The following SPPL3 variants were observed in gnomAD, a reference collection of about 807,000 sequenced individuals.
SPPL3 encodes the protein signal peptide peptidase like 3, also known as signal peptide peptidase-like 3.
Under a neutral mutation model 42.4 loss-of-function variants are expected in SPPL3, and 5 were observed. The observed-to-expected ratio is 0.12, with a 90% CI of 0.06 to 0.25. The LOEUF (loss-of-function observed/expected upper bound fraction) is 0.25. SPPL3 is among the 10% of genes least tolerant of loss of function. The probability of loss-of-function intolerance (pLI) is 1.00; values close to 1 mark genes in which losing one functional copy is unlikely to be tolerated. For missense variants in SPPL3, 235 were observed against 489.0 expected, an observed-to-expected ratio of 0.48 and a Z score of 4.90; for synonymous variants, 195 against 181.8, an observed-to-expected ratio of 1.07 and a Z score of -0.58.
intron 1 of SPPL3, among the ~76,000 whole-genome samples, chr12:120,826,672 C>A (rs2137013512): frequency 6.6e-6 from 1 of 152,164 alleles, no homozygotes; most frequent in East Asian, 1.9e-4. Flanking sequence ...TATTTAATAC[C>A]CTCGTTTTTC....
intron 1 of SPPL3, among the ~76,000 whole-genome samples, chr12:120,898,028 C>T (rs998515026): frequency 5.9e-5 from 9 of 151,800 alleles, no homozygotes; most frequent in African/African-American, 9.7e-5. Context: ...ATGAGTAGCA[C>T]GGGCCAGGCG....
intron 3 of SPPL3, among the ~76,000 whole-genome samples, chr12:120,789,653 C>T (rs1008337052): frequency 2.0e-5 from 3 of 150,648 alleles, no homozygotes; most frequent in African/African-American, 4.9e-5. Context: ...TGTGAAACCC[C>T]ATCTCTACTA....
chr12:120,856,941 T>C (rs683091), intron 1 of SPPL3, among the ~76,000 whole-genome samples: 37,113 of 152,066 alleles, frequency 0.24, 5,619 homozygotes, highest in Non-Finnish European at 0.35. Context: ...TTCCAACTTA[T>C]GGCCTGTACA....
intron 1 of SPPL3, among the ~76,000 whole-genome samples, chr12:120,860,833 C>T (rs531114625): frequency 6.6e-6 from 1 of 152,232 alleles, no homozygotes; most frequent in South Asian, 2.1e-4. Flanking sequence ...GTGACAACTA[C>T]AGTCCTCCCT....
intron 1 of SPPL3, among the ~76,000 whole-genome samples, chr12:120,858,598 A>G (rs572370453): frequency 1.4e-4 from 22 of 152,344 alleles, no homozygotes; most frequent in Middle Eastern, 6.8e-3. Context: ...AGAATGAACA[A>G]CCAACGGGTA....
At chr12:120,826,441 T>A (rs926125263) in intron 1 of SPPL3, among the ~76,000 whole-genome samples, 1 of 152,146 alleles carries the variant, frequency 6.6e-6, no homozygotes, top group Non-Finnish European at 1.5e-5. Context: ...CTCATGTATG[T>A]GGCAGAGACA....
intron 1 of SPPL3, among the ~76,000 whole-genome samples, chr12:120,881,671 C>A (rs665585): frequency 6.6e-6 from 1 of 150,782 alleles, no homozygotes; most frequent in South Asian, 2.1e-4. Flanking sequence ...AACAAATGAA[C>A]AGATACACAA....
intron 1 of SPPL3, among the ~76,000 whole-genome samples, chr12:120,824,706 G>A (rs1871185356): frequency 6.6e-6 from 1 of 151,788 alleles, no homozygotes; most frequent in South Asian, 2.1e-4. Context: ...AATTTTTTTT[G>A]TTTGCAATTT....
Position 120,783,126 on chromosome 12 carries a change from T to A in SPPL3, c.390-359A>T, listed in dbSNP as rs150125104. On this transcript the variant is annotated intron_variant, in intron 5 of 10. Transcript: ENST00000353487. ...TTTACCAAAGATGGTATCACTCTAT[T>A]TAGAAGATTGTAAATCTTTTGGTTA... Among the ~76,000 whole-genome samples, 37 of 152,342 alleles carry A rather than the reference T, an allele frequency of 2.4e-4. No individual in the cohort carries two copies. The East Asian group carries it at 6.4e-3, about 26-fold the overall frequency.
chr12:120,901,181 CAG>C (rs1173469278), intron 1 of SPPL3, among the ~76,000 whole-genome samples: 6 of 152,122 alleles, frequency 3.9e-5, no homozygotes, highest in African/African-American at 1.4e-4. Flanking sequence ...CTCTGTGAAA[CAG>C]GGAAATATCA....
chr12:120,865,395 G>A (rs1327774388), intron 1 of SPPL3, among the ~76,000 whole-genome samples: 1 of 152,156 alleles, frequency 6.6e-6, no homozygotes, highest in African/African-American at 2.4e-5. Context: ...CAGTTTGCTT[G>A]GGTTCCAATC....
At chr12:120,881,954 G>A (rs967765274) in intron 1 of SPPL3, among the ~76,000 whole-genome samples, 5 of 152,000 alleles carry the variant, frequency 3.3e-5, no homozygotes, top group Admixed American at 6.6e-5. Flanking sequence ...CAGTAGTTCC[G>A]ATTAAACTTA....
intron 1 of SPPL3, among the ~76,000 whole-genome samples, chr12:120,865,966 T>C (rs1872743226): frequency 6.6e-6 from 1 of 152,208 alleles, no homozygotes; most frequent in South Asian, 2.1e-4. Context: ...TATTGTGAAC[T>C]GTGCATGCGA....
At chr12:120,777,182 TAAATAGTTTCTGTTCAGA>T (rs1869351740) in intron 6 of SPPL3, among the ~76,000 whole-genome samples, 1 of 152,206 alleles carries the variant, frequency 6.6e-6, no homozygotes, top group Non-Finnish European at 1.5e-5. Flanking sequence ...CTGGAATTTC[TAAATAGTTTCTGTTCAGA>T]AGTAACAGCA....
intron 1 of SPPL3, among the ~76,000 whole-genome samples, chr12:120,823,259 A>G (rs1195787373): frequency 6.6e-6 from 1 of 151,798 alleles, no homozygotes; most frequent in African/African-American, 2.4e-5. Context: ...GACAGAGAAC[A>G]AAAGGAAGAA....
intron 1 of SPPL3, among the ~76,000 whole-genome samples, chr12:120,819,333 T>C (rs1289701435): frequency 1.3e-5 from 2 of 152,198 alleles, no homozygotes; most frequent in East Asian, 1.9e-4. Context: ...ATTTGGAAGA[T>C]ACTGATTTGC....
intron 1 of SPPL3, among the ~76,000 whole-genome samples, chr12:120,828,859 A>C (rs987706359): frequency 6.6e-6 from 1 of 151,806 alleles, no homozygotes; most frequent in African/African-American, 2.4e-5. Flanking sequence ...TGGGCTCAAG[A>C]GATCCTCTGC....
chr12:120,849,597 C>A (rs1158550383), intron 1 of SPPL3, among the ~76,000 whole-genome samples: 1 of 152,152 alleles, frequency 6.6e-6, no homozygotes, highest in Non-Finnish European at 1.5e-5. Flanking sequence ...ATACTCTGTA[C>A]GAAGTGATTT....
chr12:120,813,716 G>C (rs1170032147), intron 1 of SPPL3, among the ~76,000 whole-genome samples: 1 of 152,002 alleles, frequency 6.6e-6, no homozygotes, highest in Non-Finnish European at 1.5e-5. Context: ...GATGGTTCCA[G>C]TGTCTTGGGT....
Sources: allele counts gnomAD v4.1 joint callset (sites outside exome capture counted in the v4.1 genomes callset), GRCh38; gene constraint gnomAD v4.1.1; transcripts MANE v1.5; gene names NCBI Gene and HGNC (gene_info 2026-07-23, HGNC 2026-07-21).